Variants in ABTB3 observed in about 807,000 individuals in gnomAD.
ABTB3 encodes ankyrin repeat and BTB domain containing 3, also known as ankyrin repeat- and BTB/POZ domain-containing protein 3.
At chr12:107,354,418 T>C in the ABTB3 span, among the ~76,000 whole-genome samples, 8 of 152,144 alleles carry the variant, frequency 5.3e-5, no homozygotes, top group African/African-American at 1.9e-4. Flanking sequence ...TCCCCTGCCC[T>C]ACCCCTGGCA....
At chr12:107,522,004 G>C in the ABTB3 span, among the ~76,000 whole-genome samples, 1 of 151,950 alleles carries the variant, frequency 6.6e-6, no homozygotes, top group Non-Finnish European at 1.5e-5. Flanking sequence ...TGGTTCTAGG[G>C]GCTGGGAAGT....
At chr12:107,628,848 CTT>C in the ABTB3 span, among the ~76,000 whole-genome samples, 3 of 152,154 alleles carry the variant, frequency 2.0e-5, no homozygotes, top group Non-Finnish European at 4.4e-5. Context: ...AGCTGAGTAA[CTT>C]TGCCAAGGTT....
chr12:107,610,458 G>A, the ABTB3 span: 3 of 1,388,010 alleles, frequency 2.2e-6, no homozygotes, highest in Non-Finnish European at 3.0e-6. Context: ...GCGCTGGGCA[G>A]AGGCTCCCCC....
At chr12:107,497,538 A>G in the ABTB3 span, among the ~76,000 whole-genome samples, 1 of 148,276 alleles carries the variant, frequency 6.7e-6, no homozygotes, top group Non-Finnish European at 1.5e-5. Flanking sequence ...ATCATCCCAC[A>G]ACCAACAGCA....
chr12:107,658,259 AATATAT>A, the ABTB3 span: 1 of 153,908 alleles, frequency 6.5e-6, no homozygotes, highest in Non-Finnish European at 1.4e-5. Context: ...TGTAGTTTAA[AATATAT>A]TTCTAAAAGC....
chr12:107,612,394 A>G, the ABTB3 span, among the ~76,000 whole-genome samples: 4 of 152,208 alleles, frequency 2.6e-5, no homozygotes, highest in Admixed American at 6.5e-5. Flanking sequence ...TGTGAAAGAG[A>G]AAATGTCAGA....
At chr12:107,386,011 A>G in the ABTB3 span, among the ~76,000 whole-genome samples, 1 of 138,206 alleles carries the variant, frequency 7.2e-6, no homozygotes, top group African/African-American at 2.6e-5. Flanking sequence ...CTGTTGTGTG[A>G]CCTTGACCCA....
chr12:107,578,383 C>CTTTTTTTTTTT, the ABTB3 span, among the ~76,000 whole-genome samples: 1,589 of 57,278 alleles, frequency 0.028, 42 homozygotes, highest in Non-Finnish European at 0.036. Flanking sequence ...CTTTCTTCTT[C>CTTTTTTTTTTT]TTTTTTTTTT....
chr12:107,336,618 A>G, the ABTB3 span, among the ~76,000 whole-genome samples: 1 of 152,206 alleles, frequency 6.6e-6, no homozygotes, highest in Non-Finnish European at 1.5e-5. Flanking sequence ...CCCCAGTCAT[A>G]GAAAACCTCT....
chr12:107,396,567 T>C, the ABTB3 span, among the ~76,000 whole-genome samples: 2 of 144,456 alleles, frequency 1.4e-5, no homozygotes, highest in Non-Finnish European at 1.5e-5. Flanking sequence ...GGGTCCAAAA[T>C]AGTGACAAAG....
At chr12:107,424,317 T>C in the ABTB3 span, among the ~76,000 whole-genome samples, 1 of 152,250 alleles carries the variant, frequency 6.6e-6, no homozygotes, top group African/African-American at 2.4e-5. Flanking sequence ...TCCCCTGCCT[T>C]TTTCTCCTTT....
chr12:107,623,047 C>T, the ABTB3 span, among the ~76,000 whole-genome samples: 4 of 151,178 alleles, frequency 2.6e-5, no homozygotes, highest in African/African-American at 9.8e-5. Context: ...AAAAAGACTT[C>T]CCAGCTTATT....
At chr12:107,590,817 C>T in the ABTB3 span, among the ~76,000 whole-genome samples, 1 of 152,142 alleles carries the variant, frequency 6.6e-6, no homozygotes, top group Non-Finnish European at 1.5e-5. Context: ...GATTTGGCTT[C>T]CTGGGAAACA....
At chr12:107,552,298 AT>A in the ABTB3 span, among the ~76,000 whole-genome samples, 4 of 152,206 alleles carry the variant, frequency 2.6e-5, no homozygotes, top group South Asian at 4.2e-4. Flanking sequence ...AGTCCCTATA[AT>A]TTTTTTCATA....
chr12:107,500,691 C>CT, the ABTB3 span, among the ~76,000 whole-genome samples: 8 of 152,122 alleles, frequency 5.3e-5, no homozygotes, highest in Admixed American at 1.3e-4. Flanking sequence ...GAGAATCCAC[C>CT]TTTTTTTAAA....
chr12:107,635,931 C>T, the ABTB3 span, among the ~76,000 whole-genome samples: 3 of 142,816 alleles, frequency 2.1e-5, no homozygotes, highest in South Asian at 2.2e-4. Flanking sequence ...CATACCTGAG[C>T]GGCAGAGGCT....
chr12:107,502,128 G>A, the ABTB3 span, among the ~76,000 whole-genome samples: 44,262 of 150,848 alleles, frequency 0.29, 8,173 homozygotes, highest in African/African-American at 0.52. Flanking sequence ...GCAGTGGCAC[G>A]ATCTCAGCTC....
the ABTB3 span, among the ~76,000 whole-genome samples, chr12:107,353,633 A>G: frequency 2.0e-5 from 3 of 152,116 alleles, no homozygotes; most frequent in African/African-American, 4.8e-5. Flanking sequence ...GTGGTCCCCA[A>G]CCCCTGGGCT....
chr12:107,320,720 T>C, the ABTB3 span: 1 of 455,654 alleles, frequency 2.2e-6, no homozygotes, highest in African/African-American at 2.0e-5. Flanking sequence ...AGCACACAGC[T>C]GGTGGGGGCT....
Sources: allele counts gnomAD v4.1 joint callset (sites outside exome capture counted in the v4.1 genomes callset), GRCh38; gene constraint gnomAD v4.1.1; transcripts MANE v1.5; gene names NCBI Gene and HGNC (gene_info 2026-07-23, HGNC 2026-07-21).